SLIT1: variants seen among roughly 807,000 people sequenced by gnomAD.
The protein encoded by SLIT1 is slit homolog 1 protein.
SLIT1 carries 66 observed loss-of-function variants against 186.1 expected under a neutral mutation model. That is an observed-to-expected ratio of 0.35 (90% CI 0.29 to 0.44). The LOEUF is 0.44. Among genes scored for constraint, SLIT1 ranks in the 20% least tolerant of loss-of-function variants. The probability of loss-of-function intolerance (pLI) is 1.00; values close to 1 mark genes in which losing one functional copy is unlikely to be tolerated. For synonymous variants in SLIT1, 761 were observed against 833.8 expected (o/e 0.91, Z 1.50); for missense variants, 1,638 against 2,037.4 (o/e 0.80, Z 3.77).
chr10:97,092,149 G>A (rs895917877), intron 4 of SLIT1, among the ~76,000 whole-genome samples: 1 of 152,104 alleles, frequency 6.6e-6, no homozygotes, highest in Admixed American at 6.5e-5. Context: ...TGTCAAGCAG[G>A]GTTCTGAGCT....
intron 4 of SLIT1, among the ~76,000 whole-genome samples, chr10:97,125,856 A>C (rs943800871): frequency 1.3e-5 from 2 of 150,718 alleles, no homozygotes; most frequent in East Asian, 1.9e-4. Flanking sequence ...ACAAAAAAAA[A>C]CAAAAAAAAC....
At chr10:97,034,575 G>T in intron 22 of SLIT1, 33 bp from the exon 23 acceptor site, 4 of 1,574,412 alleles carry the variant, frequency 2.5e-6, no homozygotes. Flanking sequence ...GATTTAGAAA[G>T]AACTCACTCA....
intron 22 of SLIT1, among the ~76,000 whole-genome samples, chr10:97,037,098 G>GTGTGTGTGTA (rs1491512373): frequency 5.9e-5 from 7 of 117,722 alleles, no homozygotes; most frequent in African/African-American, 2.2e-4. Flanking sequence ...GTGTGTGTGT[G>GTGTGTGTGTA]TATGTGTGTG....
At chr10:97,089,300 G>T (rs1291965152) in intron 4 of SLIT1, among the ~76,000 whole-genome samples, 1 of 152,258 alleles carries the variant, frequency 6.6e-6, no homozygotes, top group African/African-American at 2.4e-5. Context: ...ACGACTGGGG[G>T]TGAGGCTCTG....
Position 97,160,868 on chromosome 10 carries a change from G to T in SLIT1, c.341+2512C>A, listed in dbSNP as rs2636771. Reference sequence around the variant, plus strand: ...CTGGAGTAGCTGGGATTACAGGCACGTACCACTGTGCCTGGCTAATTTTCA... The same window carrying T: ...CTGGAGTAGCTGGGATTACAGGCACTTACCACTGTGCCTGGCTAATTTTCA... On this transcript the variant is annotated intron_variant, in intron 3 of 36. Coordinates refer to ENST00000266058, the MANE Select transcript of SLIT1 (RefSeq NM_003061.3). 2.8e-3 allele frequency among the ~76,000 whole-genome samples: 432 copies of T among 151,900 alleles called. 2 individuals carry two copies. Among genetic ancestry groups the T allele is most frequent in the African/African-American group, 9.8e-3 (406 of 41,444 alleles).
chr10:97,006,403 G>A lies in SLIT1; in HGVS notation c.3579+80C>T, dbSNP rs1054741381. The A allele has an allele frequency of 6.4e-6, 6 of 932,432 alleles. No individual in the cohort carries two copies. Among genetic ancestry groups the A allele is most frequent in the African/African-American group, 4.8e-5 (3 of 61,914 alleles). The allele number at this position is 932,432 out of a possible 1,614,324, so 57.8% of individuals were successfully genotyped here. A position where few individuals can be genotyped will look rare whatever the true frequency, so the allele number is the denominator to read the frequency against. ...TCCAGTTCCCCAGGCACCATGCAGG[G>A]ATGTATCCTGATGCTCTGGCCTAAG... On this transcript the variant is annotated intron_variant, in intron 32 of 36. Transcript: ENST00000266058. The surrounding 1 kb of genome is among the most constrained non-coding windows in gnomAD (Gnocchi z 4.0).
intron 15 of SLIT1, 23 bp downstream of exon 15, chr10:97,047,950 C>G: frequency 6.2e-7 from 1 of 1,614,100 alleles, no homozygotes; most frequent in Non-Finnish European, 8.5e-7. Flanking sequence ...CCAGGCTGGC[C>G]TTGGATCCCC....
intron 4 of SLIT1, among the ~76,000 whole-genome samples, chr10:97,080,278 A>T (rs1849090255): frequency 6.6e-6 from 1 of 152,222 alleles, no homozygotes; most frequent in South Asian, 2.1e-4. Flanking sequence ...TTATAAAGGG[A>T]TGATCACAGG....
At chr10:97,048,287 G>A (rs757187306) in intron 14 of SLIT1, among the ~76,000 whole-genome samples, 31 of 152,168 alleles carry the variant, frequency 2.0e-4, no homozygotes, top group Non-Finnish European at 3.4e-4. Flanking sequence ...AGGTGGGGAC[G>A]GGGTACAGGT....
intron 1 of SLIT1, among the ~76,000 whole-genome samples, chr10:97,182,448 C>T (rs555869140): frequency 1.3e-5 from 2 of 152,220 alleles, no homozygotes; most frequent in East Asian, 3.8e-4. Flanking sequence ...GCATTTGCCA[C>T]AGTTATTTTG....
chr10:97,082,907 C>CTGTT (rs762535048), intron 4 of SLIT1, among the ~76,000 whole-genome samples: 1 of 151,802 alleles, frequency 6.6e-6, no homozygotes, highest in Non-Finnish European at 1.5e-5. Context: ...AGAAAGTCTA[C>CTGTT]TGTTTGTTTG....
At chr10:97,058,202 C>A in intron 11 of SLIT1, 6 of 639,138 alleles carry the variant, frequency 9.4e-6, no homozygotes, top group South Asian at 8.7e-5. Flanking sequence ...TTCAGAAACA[C>A]CCCTCAAGCT....
intron 4 of SLIT1, among the ~76,000 whole-genome samples, chr10:97,112,808 C>T (rs1160099774): frequency 1.3e-5 from 2 of 152,122 alleles, no homozygotes; most frequent in African/African-American, 2.4e-5. Context: ...ATCTTCCCAC[C>T]TCAGCCTCCC....
intron 4 of SLIT1, among the ~76,000 whole-genome samples, chr10:97,085,550 GCT>G (rs1360189179): frequency 6.6e-6 from 1 of 152,094 alleles, no homozygotes; most frequent in East Asian, 1.9e-4. Context: ...ACCACACCCA[GCT>G]AATTTTTGTA....
At chr10:97,149,699 A>G (rs2134711701) in intron 4 of SLIT1, among the ~76,000 whole-genome samples, 1 of 152,252 alleles carries the variant, frequency 6.6e-6, no homozygotes, top group South Asian at 2.1e-4. Flanking sequence ...TAGTTCAAGG[A>G]CTGGCAGTTT....
chr10:97,166,569 G>GAGAGAGAAAGAAAGAAAGAA (rs1444883867), intron 1 of SLIT1, among the ~76,000 whole-genome samples: 1 of 58,912 alleles, frequency 1.7e-5, no homozygotes, highest in Non-Finnish European at 3.4e-5. Flanking sequence ...GAGAGAGAGA[G>GAGAGAGAAAGAAAGAAAGAA]AGAAAGAAAG....
chr10:97,108,748 C>A (rs961245429), intron 4 of SLIT1, among the ~76,000 whole-genome samples: 3 of 152,086 alleles, frequency 2.0e-5, no homozygotes, highest in Admixed American at 2.0e-4. Context: ...ATTAGCTGGG[C>A]ATGGTGGCAT....
chr10:97,141,330 C>T (rs936589534), intron 4 of SLIT1, among the ~76,000 whole-genome samples: 1 of 152,214 alleles, frequency 6.6e-6, no homozygotes, highest in Non-Finnish European at 1.5e-5. Flanking sequence ...CAGCCCTTCA[C>T]ATAGATTTGA....
At chr10:97,144,862 C>T (rs56366079) in intron 4 of SLIT1, among the ~76,000 whole-genome samples, 7,561 of 152,260 alleles carry the variant, frequency 0.05, 195 homozygotes, top group South Asian at 0.096. Flanking sequence ...AATACCTGCA[C>T]TACATGCTCC....
Sources: allele counts gnomAD v4.1 joint callset (sites outside exome capture counted in the v4.1 genomes callset), GRCh38; gene constraint gnomAD v4.1.1; non-coding constraint Gnocchi (gnomAD v3.1); transcripts MANE v1.5; gene names NCBI Gene and HGNC (gene_info 2026-07-23, HGNC 2026-07-21).